The following RABGAP1L variants were observed in gnomAD, a reference collection of about 807,000 sequenced individuals.
RABGAP1L encodes the protein rab GTPase-activating protein 1-like.
In RABGAP1L, 63 loss-of-function variants were observed where a neutral mutation model predicts 137.7. The ratio of observed to expected loss-of-function variants is 0.46; its 90% confidence interval spans 0.37 to 0.56. The LOEUF (loss-of-function observed/expected upper bound fraction) is 0.56. RABGAP1L is among the 20% of genes least tolerant of loss of function. The probability of loss-of-function intolerance (pLI) is 0.00; values close to 1 mark genes in which losing one functional copy is unlikely to be tolerated. For synonymous variants in RABGAP1L, 431 were observed against 433.7 expected, an observed-to-expected ratio of 0.99 and a Z score of 0.08; for missense variants, 1,095 against 1,244.0, an observed-to-expected ratio of 0.88 and a Z score of 1.80.
At chr1:174,422,862 G>T (rs181518102) in intron 13 of RABGAP1L, among the ~76,000 whole-genome samples, 4 of 148,864 alleles carry the variant, frequency 2.7e-5, no homozygotes, top group African/African-American at 1.0e-4. Context: ...CACGAGAATC[G>T]CTTGAACCCC....
chr1:174,717,400 T>C (rs558899509), intron 17 of RABGAP1L, among the ~76,000 whole-genome samples: 3 of 152,204 alleles, frequency 2.0e-5, no homozygotes, highest in African/African-American at 7.2e-5. Flanking sequence ...CAGAACGAGA[T>C]TCCTGTCTCA....
At chr1:174,384,165 C>G (rs1003967685) in intron 12 of RABGAP1L, among the ~76,000 whole-genome samples, 1 of 152,134 alleles carries the variant, frequency 6.6e-6, no homozygotes, top group Non-Finnish European at 1.5e-5. Context: ...TGACCTATGC[C>G]AAAGTCAAGT....
chr1:174,368,591 A>T (rs1357323108), intron 11 of RABGAP1L, among the ~76,000 whole-genome samples: 2 of 152,148 alleles, frequency 1.3e-5, no homozygotes, highest in African/African-American at 4.8e-5. Context: ...TGTTTTACAT[A>T]TTGTGACCTG....
At chr1:174,863,700 G>A (rs11809803) in intron 19 of RABGAP1L, among the ~76,000 whole-genome samples, 31,899 of 148,358 alleles carry the variant, frequency 0.22, 3,676 homozygotes, top group Admixed American at 0.25. Flanking sequence ...AATGTTTTCT[G>A]GCCAGGCACA....
At chr1:174,374,583 G>A (rs893147912) in intron 12 of RABGAP1L, among the ~76,000 whole-genome samples, 2 of 152,042 alleles carry the variant, frequency 1.3e-5, no homozygotes, top group African/African-American at 4.8e-5. Context: ...CTTCTTGTCC[G>A]TAATTTACTC....
chr1:174,351,238 G>T (rs1458842798), intron 11 of RABGAP1L, among the ~76,000 whole-genome samples: 2 of 152,166 alleles, frequency 1.3e-5, no homozygotes, highest in Admixed American at 1.3e-4. Flanking sequence ...ATCATTTTCT[G>T]TGTTTGTGTA....
intron 13 of RABGAP1L, among the ~76,000 whole-genome samples, chr1:174,483,833 AT>A (rs1202255321): frequency 3.9e-5 from 6 of 152,008 alleles, no homozygotes; most frequent in Admixed American, 3.9e-4. Context: ...AAAAAAAAAA[AT>A]CTTGGTTATT....
intron 13 of RABGAP1L, among the ~76,000 whole-genome samples, chr1:174,590,123 C>CTTTTTTTTTTTTTT (rs1166364912): frequency 1.5e-4 from 9 of 59,800 alleles, no homozygotes; most frequent in Non-Finnish European, 2.2e-4. Context: ...TCTTCAGTTT[C>CTTTTTTTTTTTTTT]TTTTTTTTTT....
At chr1:174,254,644 A>T (rs1242290483) in intron 7 of RABGAP1L, among the ~76,000 whole-genome samples, 1 of 152,128 alleles carries the variant, frequency 6.6e-6, no homozygotes, top group African/African-American at 2.4e-5. Context: ...AGCTTCATCT[A>T]TGTCCCTGCA....
intron 19 of RABGAP1L, among the ~76,000 whole-genome samples, chr1:174,858,098 G>A (rs1649619421): frequency 6.6e-6 from 1 of 152,000 alleles, no homozygotes; most frequent in Non-Finnish European, 1.5e-5. Context: ...TTGCAGTCTT[G>A]ACCTCCCAGG....
chr1:174,208,478 TTTTTG>T (rs896016533), intron 1 of RABGAP1L, among the ~76,000 whole-genome samples: 43 of 152,160 alleles, frequency 2.8e-4, no homozygotes, highest in Admixed American at 2.0e-3. Context: ...TTACTGAGAG[TTTTTG>T]TTTTGTTTTG....
At chr1:174,660,521 C>T (rs1175431251) in intron 14 of RABGAP1L, among the ~76,000 whole-genome samples, 1 of 152,210 alleles carries the variant, frequency 6.6e-6, no homozygotes, top group South Asian at 2.1e-4. Context: ...CTGGTCTAAA[C>T]TAACATATCT....
chr1:174,447,866 A>T (rs909266740), intron 13 of RABGAP1L, among the ~76,000 whole-genome samples: 2 of 150,416 alleles, frequency 1.3e-5, no homozygotes, highest in Non-Finnish European at 3.0e-5. Flanking sequence ...TTTCTAGCTT[A>T]TCCCCTTCTC....
chr1:174,994,285 TAGG>T lies in RABGAP1L; in HGVS notation c.*4287_*4289del, dbSNP rs1366411270. The T allele has an allele frequency of 5.9e-5, 9 of 152,200 alleles. No individual in the cohort carries two copies. The highest frequency in any genetic ancestry group is 2.2e-4 in the African/African-American group (9 of 41,430). The allele number at this position is 152,200 out of a possible 1,614,324, so 9.4% of individuals were successfully genotyped here. A position where few individuals can be genotyped will look rare whatever the true frequency, so the allele number is the denominator to read the frequency against. On this transcript the variant is annotated 3_prime_UTR_variant, in exon 26 of 26. Transcript: ENST00000681986. ...AGTTGTAATGAGAAAAGTGGGCATA[TAGG>T]AGATTTTAGTGACTGCAGTCAGCTG...
chr1:174,727,369 C>A lies in RABGAP1L; in HGVS notation c.2170-24944C>A, dbSNP rs181028732. Among the ~76,000 whole-genome samples the A allele has an allele frequency of 2.6e-5, 4 of 152,272 alleles. No individual in the cohort carries two copies. The East Asian group carries it at 5.8e-4, about 22-fold the overall frequency. On this transcript the variant is annotated intron_variant, in intron 17 of 25. Transcript: ENST00000681986. ...CATGCATTTGAATCATATGGTGATC[C>A]TATTTAAATGCTGATTCGGATTTTA...
chr1:174,711,253 C>T (rs988224246), intron 17 of RABGAP1L, among the ~76,000 whole-genome samples: 1 of 152,168 alleles, frequency 6.6e-6, no homozygotes, highest in Non-Finnish European at 1.5e-5. Flanking sequence ...AGGGAGCCAG[C>T]TCCAGCCTTG....
chr1:174,491,178 T>C (rs892098132), intron 13 of RABGAP1L, among the ~76,000 whole-genome samples: 6 of 152,148 alleles, frequency 3.9e-5, no homozygotes, highest in African/African-American at 1.4e-4. Flanking sequence ...GAAAGTGCTG[T>C]GTCTCACCTG....
intron 13 of RABGAP1L, among the ~76,000 whole-genome samples, chr1:174,459,380 G>A (rs930208192): frequency 3.9e-5 from 6 of 152,092 alleles, no homozygotes; most frequent in African/African-American, 1.4e-4. Context: ...AGTTCACGGA[G>A]TCTGTTAGAA....
chr1:174,919,433 T>G (rs2149222177), intron 19 of RABGAP1L, among the ~76,000 whole-genome samples: 1 of 152,372 alleles, frequency 6.6e-6, no homozygotes, highest in South Asian at 2.1e-4. Context: ...TGTCTTGAGC[T>G]TCTTCACAGC....
Sources: allele counts gnomAD v4.1 joint callset (sites outside exome capture counted in the v4.1 genomes callset), GRCh38; gene constraint gnomAD v4.1.1; transcripts MANE v1.5; gene names NCBI Gene and HGNC (gene_info 2026-07-23, HGNC 2026-07-21).